CYTH2: variants seen among roughly 807,000 people sequenced by gnomAD.
CYTH2 encodes cytohesin-2.
CYTH2 carries 24 observed loss-of-function variants against 55.4 expected under a neutral mutation model. The ratio of observed to expected loss-of-function variants is 0.43; its 90% confidence interval spans 0.31 to 0.61. The LOEUF is 0.61. CYTH2 is among the 20% of genes least tolerant of loss of function. The probability of loss-of-function intolerance (pLI) is 0.08; values close to 1 mark genes in which losing one functional copy is unlikely to be tolerated. For missense variants in CYTH2, 378 were observed against 533.5 expected (o/e 0.71, Z 2.87); for synonymous variants, 221 against 209.6 (o/e 1.05, Z -0.47).
At chr19:48,478,856 G>T (rs1047713276) in intron 11 of CYTH2, among the ~76,000 whole-genome samples, 7 of 147,896 alleles carry the variant, frequency 4.7e-5, no homozygotes, top group African/African-American at 1.0e-4. Flanking sequence ...CGGGGGCCTG[G>T]ACTCCTGGGT....
chr19:48,479,296 T>G lies in CYTH2; in HGVS notation c.*86T>G. On this transcript the variant is annotated 3_prime_UTR_variant, in exon 12 of 12. Coordinates refer to ENST00000452733, the MANE Select transcript of CYTH2 (RefSeq NM_004228.7). The stretch of plus-strand genomic sequence containing the variant: ...TGGGCCTTGGGGCTGTGGATCCTGG[T>G]TCCCTGTTTGGAAAATTCACCACCT... The G allele has an allele frequency of 6.9e-7, 1 of 1,449,496 alleles. No homozygotes were observed. Among genetic ancestry groups the G allele is most frequent in the Non-Finnish European group, 9.6e-7 (1 of 1,041,422 alleles). The allele number at this position is 1,449,496 out of a possible 1,614,324, so 89.8% of individuals were successfully genotyped here.
chr19:48,470,271 C>T, intron 1 of CYTH2, 82 bp from the exon 2 acceptor site: 1 of 1,526,166 alleles, frequency 6.6e-7, no homozygotes, highest in Non-Finnish European at 8.8e-7. Context: ...CATCCTCTCC[C>T]AGCTCTGTCC....
intron 8 of CYTH2, chr19:48,475,241 ACATTG>A: frequency 2.6e-6 from 1 of 388,648 alleles, no homozygotes; most frequent in Non-Finnish European, 4.6e-6. Flanking sequence ...GAGGCAGCTG[ACATTG>A]TCCTTTCGTG....
chr19:48,469,468 C>T lies in CYTH2; in HGVS notation c.-40C>T. 1.5e-6 allele frequency: 2 copies of T among 1,310,358 alleles called. No individual in the cohort carries two copies. Among genetic ancestry groups the T allele is most frequent in the Non-Finnish European group, 2.0e-6 (2 of 1,022,646 alleles). 81.2% of individuals were successfully genotyped at this position (1,310,358 alleles called of 1,614,324 possible). The stretch of plus-strand genomic sequence containing the variant: ...CCAACGCGGATCCAGGCCCGACTGG[C>T]GGGACCGCCCCGGATTCCCCGCGGG... On this transcript the variant is annotated 5_prime_UTR_variant, in exon 1 of 12. Transcript: ENST00000452733.
Position 48,479,240 on chromosome 19 carries a change from C to T in CYTH2, c.*30C>T, listed in dbSNP as rs759306723. The T allele has an allele frequency of 4.2e-5, 67 of 1,610,316 alleles. No homozygotes were observed. Among genetic ancestry groups the T allele is most frequent in the Admixed American group, 2.0e-4 (12 of 59,936 alleles). Reference sequence around the variant, plus strand: ...CTGCCCCCAACTCCATTATTTATTACGGAGCTGCCCCGCCTGGGTGGCCGG... The same window carrying T: ...CTGCCCCCAACTCCATTATTTATTATGGAGCTGCCCCGCCTGGGTGGCCGG... On this transcript the variant is annotated 3_prime_UTR_variant, in exon 12 of 12. Coordinates refer to ENST00000452733, the MANE Select transcript of CYTH2 (RefSeq NM_004228.7).
Position 48,479,442 on chromosome 19 carries a change from C to G in CYTH2, c.*232C>G. 1 of 496,354 alleles carries G rather than the reference C, an allele frequency of 2.0e-6. No individual in the cohort carries two copies. Among genetic ancestry groups the G allele is most frequent in the Non-Finnish European group, 3.6e-6 (1 of 275,270 alleles). The allele number at this position is 496,354 out of a possible 1,614,324, so 30.7% of individuals were successfully genotyped here. ...GACAGAGTCGAGGTGCTCCGTGGAGCCAGCCTGTTTCCCTGGACAGGGGCC... is the reference window on the plus strand; with the variant it reads ...GACAGAGTCGAGGTGCTCCGTGGAGGCAGCCTGTTTCCCTGGACAGGGGCC... On this transcript the variant is annotated 3_prime_UTR_variant, in exon 12 of 12. Coordinates refer to ENST00000452733, the MANE Select transcript of CYTH2 (RefSeq NM_004228.7).
intron 3 of CYTH2, among the ~76,000 whole-genome samples, chr19:48,470,886 G>C (rs1019349889): frequency 1.3e-5 from 2 of 152,142 alleles, no homozygotes; most frequent in Admixed American, 6.5e-5. Flanking sequence ...CCCCTGCCTG[G>C]AAGGTCGTCT....
intron 8 of CYTH2, chr19:48,477,558 C>A: frequency 6.4e-6 from 1 of 157,124 alleles, no homozygotes. Flanking sequence ...CTCTCTGCGT[C>A]TTTCCCTCTC....
chr19:48,471,311 C>G (rs1370000814), intron 3 of CYTH2, among the ~76,000 whole-genome samples: 1 of 152,140 alleles, frequency 6.6e-6, no homozygotes, highest in Non-Finnish European at 1.5e-5. Context: ...ACCACCATGC[C>G]CAGCTAATTT....
chr19:48,474,789 TG>T lies in CYTH2; in HGVS notation c.697-43del, dbSNP rs1971876461. 1.3e-6 allele frequency: 2 copies of T among 1,586,196 alleles called. No individual in the cohort carries two copies. Among genetic ancestry groups the T allele is most frequent in the African/African-American group, 1.3e-5 (1 of 74,272 alleles). ...CGCTGCCCCCCACCCTGAGTAACCC[TG>T]GGGGGCCCCAGGGGGCTCGAATGGC... On this transcript the variant is annotated intron_variant, in intron 7 of 11. Coordinates refer to ENST00000452733, the MANE Select transcript of CYTH2 (RefSeq NM_004228.7). This position sits in a 1 kb window ranked among gnomAD's most constrained non-coding sequence, Gnocchi z 4.9.
intron 1 of CYTH2, chr19:48,469,953 CTT>C (rs755657220): frequency 9.1e-6 from 5 of 552,406 alleles, no homozygotes; most frequent in Non-Finnish European, 1.4e-5. Flanking sequence ...GCTGTAGTGA[CTT>C]TTCATGGACC....
rs762675007 is a variant in CYTH2, at chr19:48,474,956, G to A, written c.808+7G>A. 2 of 1,613,560 alleles carry A rather than the reference G, an allele frequency of 1.2e-6. No homozygotes were observed. The highest frequency in any genetic ancestry group is 1.7e-6 in the Non-Finnish European group (2 of 1,179,562). On this transcript the variant is annotated splice_region_variant and intron_variant, in intron 8 of 11. Transcript: ENST00000452733. The surrounding 1 kb of genome is among the most constrained non-coding windows in gnomAD (Gnocchi z 4.9). ...GGCTGGCTCCTGAAGCTGGGTACGTGCCCTCCCGACCCCGCTGGTCCCTCC... is the reference window on the plus strand; with the variant it reads ...GGCTGGCTCCTGAAGCTGGGTACGTACCCTCCCGACCCCGCTGGTCCCTCC...
At chr19:48,472,725 C>A (rs1185976754) in intron 4 of CYTH2, 2 of 464,932 alleles carry the variant, frequency 4.3e-6, no homozygotes, top group Admixed American at 3.2e-5. Context: ...GAACATCTCT[C>A]AAGGATCATG....
intron 3 of CYTH2, among the ~76,000 whole-genome samples, chr19:48,471,280 T>C (rs1032491151): frequency 6.6e-6 from 1 of 151,774 alleles, no homozygotes; most frequent in Non-Finnish European, 1.5e-5. Context: ...GCCTCCCAAG[T>C]AGCTGGGCTT....
Position 48,474,963 on chromosome 19 carries a change from C to G in CYTH2, c.808+14C>G. ...TCCTGAAGCTGGGTACGTGCCCTCC[C>G]GACCCCGCTGGTCCCTCCGCAGGAG... On this transcript the variant is annotated intron_variant, in intron 8 of 11. Coordinates refer to ENST00000452733, the MANE Select transcript of CYTH2 (RefSeq NM_004228.7). This position sits in a 1 kb window ranked among gnomAD's most constrained non-coding sequence, Gnocchi z 4.9. 2 of 1,611,616 alleles carry G rather than the reference C, an allele frequency of 1.2e-6. No homozygotes were observed. The highest frequency in any genetic ancestry group is 1.7e-6 in the Non-Finnish European group (2 of 1,177,886).
rs1461807592 is a variant in CYTH2, at chr19:48,474,725, CT to C, written c.697-112del. On this transcript the variant is annotated intron_variant, in intron 7 of 11. Transcript: ENST00000452733. The surrounding 1 kb of genome is among the most constrained non-coding windows in gnomAD (Gnocchi z 4.9). ...CACTTCCCTCTCCTCCCCACTACCC[CT>C]CTCTCTTCCCCACTATGAGTCATCC... 1.5e-5 allele frequency: 13 copies of C among 867,084 alleles called. No individual in the cohort carries two copies. The highest frequency in any genetic ancestry group is 2.2e-5 in the Non-Finnish European group (12 of 533,438). 53.7% of individuals were successfully genotyped at this position (867,084 alleles called of 1,614,324 possible).
At chr19:48,476,105 C>T (rs1971907848) in intron 8 of CYTH2, 1 of 484,830 alleles carries the variant, frequency 2.1e-6, no homozygotes, top group South Asian at 1.5e-5. Context: ...CAGGGCATCA[C>T]CACCTCAACA....
At position 48,481,905 on chromosome 19, in the gene CYTH2, G is replaced by GAATCTCAAAAC. The variant is rs1972050447; in HGVS notation, c.*2695_*2696insAATCTCAAAAC. 1 of 47,546 alleles carries GAATCTCAAAAC rather than the reference G, an allele frequency of 2.1e-5. No individual in the cohort carries two copies. Among genetic ancestry groups the GAATCTCAAAAC allele is most frequent in the African/African-American group, 1.0e-4 (1 of 9,920 alleles). The allele number at this position is 47,546 out of a possible 1,614,324, so 2.9% of individuals were successfully genotyped here. A position where few individuals can be genotyped will look rare whatever the true frequency, so the allele number is the denominator to read the frequency against. On this transcript the variant is annotated 3_prime_UTR_variant, in exon 12 of 12. Coordinates refer to ENST00000452733, the MANE Select transcript of CYTH2 (RefSeq NM_004228.7). ...TTCGAGCCCCAGTGTGGCAGGTGTT[G>GAATCTCAAAAC]GGATGTGGGGCCTCATAAGGAGCTG...
At position 48,470,615 on chromosome 19, in the gene CYTH2, A is replaced by G. The variant is rs756802473; in HGVS notation, c.180A>G (p.Gln60=). The change falls in exon 3 of 12, where the codon CAA becomes CAG. Residue 60 remains glutamine, a synonymous_variant. Coordinates refer to ENST00000452733, the MANE Select transcript of CYTH2 (RefSeq NM_004228.7). ...LEANEGSKTL[Q]RNRKMAMGRK... is the part of the protein sequence containing the mutation. The stretch of plus-strand genomic sequence containing the variant: ...TCTGCTCCTGCAGTAAGACCTTGCA[A>G]CGGAACCGGAAGATGGCAATGGGCA... The G allele has an allele frequency of 3.7e-6, 6 of 1,614,228 alleles. No homozygotes were observed. The highest frequency in any genetic ancestry group is 2.7e-5 in the African/African-American group (2 of 75,052).
Sources: gnomAD v4.1 joint callset for allele counts (sites outside exome capture counted in the v4.1 genomes callset) on GRCh38, gnomAD v4.1.1 for gene constraint, Gnocchi (gnomAD v3.1) non-coding constraint, MANE v1.5 for transcripts, NCBI Gene and HGNC (gene_info 2026-07-23, HGNC 2026-07-21) for gene names.